Variants in NAPG observed in about 807,000 individuals in gnomAD.
NAPG encodes NSF attachment protein gamma.
In NAPG, 25 loss-of-function variants were observed where a neutral mutation model predicts 48.4. The ratio of observed to expected loss-of-function variants is 0.52; its 90% CI spans 0.38 to 0.72. The LOEUF is 0.72. NAPG is among the 30% of genes least tolerant of loss of function. The pLI is 0.00. For synonymous variants in NAPG, 139 were observed against 127.2 expected (o/e 1.09, Z -0.62); for missense variants, 359 against 372.5 (o/e 0.96, Z 0.30).
chr18:10,535,102 A>G (rs1198884786), intron 5 of NAPG, among the ~76,000 whole-genome samples: 1 of 152,228 alleles, frequency 6.6e-6, no homozygotes, highest in Admixed American at 6.5e-5. Flanking sequence ...GTTGAAATGA[A>G]GTATTTGTCT....
At chr18:10,549,622 A>T (rs541011542) in intron 11 of NAPG, among the ~76,000 whole-genome samples, 1 of 152,218 alleles carries the variant, frequency 6.6e-6, no homozygotes, top group African/African-American at 2.4e-5. Context: ...AAATATCCTC[A>T]CATGATGTCT....
intron 3 of NAPG, 52 bp from the exon 4 acceptor site, chr18:10,533,484 C>G: frequency 6.6e-7 from 1 of 1,517,542 alleles, no homozygotes; most frequent in African/African-American, 1.4e-5. Flanking sequence ...TCTATAGAAA[C>G]TATTGATTTT....
intron 1 of NAPG, among the ~76,000 whole-genome samples, chr18:10,527,468 A>G (rs1210010012): frequency 6.6e-6 from 1 of 152,206 alleles, no homozygotes. Flanking sequence ...CTCCTGGTGC[A>G]GGAGGTTCCC....
chr18:10,550,277 C>T lies in NAPG; in HGVS notation c.*57C>T. The T allele has an allele frequency of 1.3e-6, 2 of 1,530,200 alleles. No individual in the cohort carries two copies. Among genetic ancestry groups the T allele is most frequent in the Admixed American group, 2.2e-5 (1 of 45,654 alleles). The allele number at this position is 1,530,200 out of a possible 1,614,324, so 94.8% of individuals were successfully genotyped here. A position where few individuals can be genotyped will look rare whatever the true frequency, so the allele number is the denominator to read the frequency against. ...AAGGTAAAATCCTGACATGCCATTTCAAGGACTTGGGAATAGATTAGGGAT... is the reference window on the plus strand; with the variant it reads ...AAGGTAAAATCCTGACATGCCATTTTAAGGACTTGGGAATAGATTAGGGAT... On this transcript the variant is annotated 3_prime_UTR_variant, in exon 12 of 12. Coordinates refer to ENST00000322897, the MANE Select transcript of NAPG (RefSeq NM_003826.3).
rs1205350917 is a variant in NAPG, at chr18:10,546,230, G to A, written c.507-96G>A. 4.5e-6 allele frequency: 3 copies of A among 672,914 alleles called. No individual in the cohort carries two copies. Among genetic ancestry groups the A allele is most frequent in the East Asian group, 3.2e-5 (1 of 30,836 alleles). 41.7% of individuals were successfully genotyped at this position (672,914 alleles called of 1,614,324 possible). A position where few individuals can be genotyped will look rare whatever the true frequency, so the allele number is the denominator to read the frequency against. On this transcript the variant is annotated intron_variant, in intron 8 of 11. Transcript: ENST00000322897. This position sits in a 1 kb window ranked among gnomAD's most constrained non-coding sequence, Gnocchi z 4.0. ...TGCTAATAATACCTGTCCTCCTGGTGTCTCTACAATCTATGATGTCAAGTA... is the reference window on the plus strand; with the variant it reads ...TGCTAATAATACCTGTCCTCCTGGTATCTCTACAATCTATGATGTCAAGTA...
At position 10,543,414 on chromosome 18, in the gene NAPG, T is replaced by A. The variant is rs139157305; in HGVS notation, c.507-2912T>A. 5.1e-3 allele frequency among the ~76,000 whole-genome samples: 781 copies of A among 152,326 alleles called. 14 individuals are homozygous for A. The highest frequency in any genetic ancestry group is 0.018 in the African/African-American group (741 of 41,570). ...AGAATCACTGGGTTTCTGTCTTGCATAACTGTTCTGTCCATGGTGCCATCA... is the reference window on the plus strand; with the variant it reads ...AGAATCACTGGGTTTCTGTCTTGCAAAACTGTTCTGTCCATGGTGCCATCA... On this transcript the variant is annotated intron_variant, in intron 8 of 11. Transcript: ENST00000322897. This position sits in a 1 kb window ranked among gnomAD's most constrained non-coding sequence, Gnocchi z 4.4.
intron 1 of NAPG, among the ~76,000 whole-genome samples, chr18:10,529,638 G>A (rs1443443415): frequency 1.3e-5 from 2 of 152,076 alleles, no homozygotes; most frequent in Non-Finnish European, 2.9e-5. Context: ...CTGTAATCCC[G>A]GCTACTGAGG....
At chr18:10,538,849 G>A (rs780918500) in intron 5 of NAPG, among the ~76,000 whole-genome samples, 15 of 148,506 alleles carry the variant, frequency 1.0e-4, no homozygotes, top group Middle Eastern at 6.9e-3. Context: ...TTTTTTTCTT[G>A]TAAATTTAAG....
Position 10,546,418 on chromosome 18 carries a change from G to A in NAPG, c.585+14G>A. Reference sequence around the variant, plus strand: ...ACTTGTTATAAGGTATTCTTTGAAAGTGTTTGTTTTTGGTATTACATTAGA... The same window carrying A: ...ACTTGTTATAAGGTATTCTTTGAAAATGTTTGTTTTTGGTATTACATTAGA... On this transcript the variant is annotated intron_variant, in intron 9 of 11. Transcript: ENST00000322897. The surrounding 1 kb of genome is among the most constrained non-coding windows in gnomAD (Gnocchi z 4.0). 1.4e-6 allele frequency: 2 copies of A among 1,471,600 alleles called. No homozygotes were observed. Among genetic ancestry groups the A allele is most frequent in the South Asian group, 2.5e-5 (2 of 80,074 alleles). The allele number at this position is 1,471,600 out of a possible 1,614,324, so 91.2% of individuals were successfully genotyped here.
intron 8 of NAPG, among the ~76,000 whole-genome samples, chr18:10,545,965 G>T: frequency 6.6e-6 from 1 of 152,176 alleles, no homozygotes; most frequent in East Asian, 1.9e-4. Context: ...TGTTCTTTCA[G>T]TCGGGAGGAA....
At chr18:10,528,265 A>G (rs548227530) in intron 1 of NAPG, among the ~76,000 whole-genome samples, 1 of 152,290 alleles carries the variant, frequency 6.6e-6, no homozygotes, top group South Asian at 2.1e-4. Context: ...TATTCAGTAA[A>G]CGAACATTTA....
Position 10,550,381 on chromosome 18 carries a change from T to A in NAPG, c.*161T>A. Reference sequence around the variant, plus strand: ...GTTACCATCTTCCCAAATCACTCATTGTATCCATTACCTGTGAAGCATATC... The same window carrying A: ...GTTACCATCTTCCCAAATCACTCATAGTATCCATTACCTGTGAAGCATATC... On this transcript the variant is annotated 3_prime_UTR_variant, in exon 12 of 12. Transcript: ENST00000322897. The A allele has an allele frequency of 1.5e-6, 1 of 657,768 alleles. No homozygotes were observed. Among genetic ancestry groups the A allele is most frequent in the Non-Finnish European group, 2.4e-6 (1 of 422,088 alleles). The allele number at this position is 657,768 out of a possible 1,614,324, so 40.7% of individuals were successfully genotyped here. A position where few individuals can be genotyped will look rare whatever the true frequency, so the allele number is the denominator to read the frequency against.
At position 10,539,306 on chromosome 18, in the gene NAPG, C is replaced by T. The variant is rs1163970446; in HGVS notation, c.259-456C>T. On this transcript the variant is annotated intron_variant, in intron 5 of 11. Coordinates refer to ENST00000322897, the MANE Select transcript of NAPG (RefSeq NM_003826.3). This position sits in a 1 kb window ranked among gnomAD's most constrained non-coding sequence, Gnocchi z 4.7. ...GGATAAAGAAAATGTGGTACATATA[C>T]ACCATGGAATACTATGCAGCTGTAA... The T allele has an allele frequency of 6.1e-6, 1 of 164,114 alleles. No individual in the cohort carries two copies. The allele number at this position is 164,114 out of a possible 1,614,324, so 10.2% of individuals were successfully genotyped here. A position where few individuals can be genotyped will look rare whatever the true frequency, so the allele number is the denominator to read the frequency against.
chr18:10,528,299 A>G (rs1029229274), intron 1 of NAPG, among the ~76,000 whole-genome samples: 4 of 152,332 alleles, frequency 2.6e-5, no homozygotes, highest in Admixed American at 2.6e-4. Flanking sequence ...GTGTACCTGT[A>G]CCAGCCACAG....
At position 10,548,431 on chromosome 18, in the gene NAPG, A is replaced by G. The variant is rs1222908809; in HGVS notation, c.665+53A>G. On this transcript the variant is annotated intron_variant, in intron 10 of 11. Coordinates refer to ENST00000322897, the MANE Select transcript of NAPG (RefSeq NM_003826.3). This position sits in a 1 kb window ranked among gnomAD's most constrained non-coding sequence, Gnocchi z 4.4. ...TTGCAGTGGCGACACCTCTGTGTCT[A>G]CAACTAAGATTGCTGCTAGGACACA... 4.3e-6 allele frequency: 6 copies of G among 1,390,608 alleles called. No individual in the cohort carries two copies. The highest frequency in any genetic ancestry group is 2.9e-5 in the African/African-American group (2 of 70,110). 86.1% of individuals were successfully genotyped at this position (1,390,608 alleles called of 1,614,324 possible).
chr18:10,527,187 CAAAAAAAAA>C (rs775618160), intron 1 of NAPG, among the ~76,000 whole-genome samples: 8 of 105,540 alleles, frequency 7.6e-5, no homozygotes, highest in South Asian at 3.2e-4. Context: ...GACTCCGTCT[CAAAAAAAAA>C]AAAAAAAAAG....
chr18:10,542,046 C>T lies in NAPG; in HGVS notation c.506+1647C>T, dbSNP rs1218879126. ...TCAAAACATTACCAGTGTTGCCAGT[C>T]GGTTTGGACACATCTGATGAAAGCC... On this transcript the variant is annotated intron_variant, in intron 8 of 11. Coordinates refer to ENST00000322897, the MANE Select transcript of NAPG (RefSeq NM_003826.3). This position sits in a 1 kb window ranked among gnomAD's most constrained non-coding sequence, Gnocchi z 4.5. Among the ~76,000 whole-genome samples, 1 of 152,106 alleles carries T rather than the reference C, an allele frequency of 6.6e-6. No homozygotes were observed. Among genetic ancestry groups the T allele is most frequent in the African/African-American group, 2.4e-5 (1 of 41,412 alleles).
intron 2 of NAPG, among the ~76,000 whole-genome samples, chr18:10,531,185 T>C (rs2031920904): frequency 1.3e-5 from 2 of 152,196 alleles, no homozygotes; most frequent in Admixed American, 1.3e-4. Flanking sequence ...TTCTATTGAA[T>C]TAGGAGTTTG....
intron 5 of NAPG, among the ~76,000 whole-genome samples, chr18:10,536,745 A>G (rs1254577518): frequency 6.6e-6 from 1 of 152,134 alleles, no homozygotes; most frequent in East Asian, 1.9e-4. Context: ...CTACTGGGTA[A>G]AACTCATGAC....
Sources: allele counts gnomAD v4.1 joint callset (sites outside exome capture counted in the v4.1 genomes callset), GRCh38; gene constraint gnomAD v4.1.1; non-coding constraint Gnocchi (gnomAD v3.1); transcripts MANE v1.5; gene names NCBI Gene and HGNC (gene_info 2026-07-23, HGNC 2026-07-21).